The following NUP205 variants were observed in gnomAD, a reference collection of about 807,000 sequenced individuals.
The protein encoded by NUP205 is nucleoporin 205.
NUP205 carries 76 observed loss-of-function variants against 253.8 expected under a neutral mutation model. The observed-to-expected ratio is 0.30, with a 90% confidence interval of 0.25 to 0.36. The LOEUF (loss-of-function observed/expected upper bound fraction) is 0.36, where lower values mean the gene tolerates loss of function less well. Among genes scored for constraint, NUP205 ranks in the 10% least tolerant of loss-of-function variants. The pLI is 1.00. For synonymous variants in NUP205, 832 were observed against 850.1 expected (o/e 0.98, Z 0.37); for missense variants, 2,162 against 2,425.5 (o/e 0.89, Z 2.28).
Position 135,643,112 on chromosome 7 carries a change from C to G in NUP205, c.5393-80C>G, listed in dbSNP as rs1794944395. The G allele has an allele frequency of 1.0e-5, 14 of 1,367,574 alleles. No homozygotes were observed. The Admixed American group carries it at 2.8e-4, about 28-fold the overall frequency. 84.7% of individuals were successfully genotyped at this position (1,367,574 alleles called of 1,614,324 possible). A position where few individuals can be genotyped will look rare whatever the true frequency, so the allele number is the denominator to read the frequency against. The stretch of plus-strand genomic sequence containing the variant: ...CATGTCCTTAAATTCTGGGGCATCC[C>G]TTGTTTTAAAACAGGTCATTTGAAA... On this transcript the variant is annotated intron_variant, in intron 38 of 42. Transcript: ENST00000285968.
intron 35 of NUP205, among the ~76,000 whole-genome samples, chr7:135,631,603 A>G (rs1209631580): frequency 1.3e-5 from 2 of 152,192 alleles, no homozygotes; most frequent in East Asian, 3.8e-4. Flanking sequence ...CTGTTATGCA[A>G]CCATAATATC....
Position 135,626,267 on chromosome 7 carries a change from C to A in NUP205, c.4699C>A (p.Gln1567Lys). The change falls in exon 33 of 43, where the codon CAG becomes AAG. Residue 1567 changes from glutamine (Q) to lysine (K), a missense_variant. Physicochemically the swap from Gln to Lys is moderately conservative, Grantham distance 53. Transcript: ENST00000285968. ...ATTTCTCACAAGAGTGGCAAAGATA[C>A]AGCAGGGTGCATTAGAGCTGCTAAG... ...MAFLTRVAKI[Q>K]QGALELLRSG... 3 of 1,614,108 alleles carry A rather than the reference C, an allele frequency of 1.9e-6. No homozygotes were observed.
chr7:135,592,737 A>G (rs1364420882), intron 11 of NUP205, among the ~76,000 whole-genome samples: 1 of 152,136 alleles, frequency 6.6e-6, no homozygotes, highest in African/African-American at 2.4e-5. Flanking sequence ...AAAGACAAAA[A>G]TTAGCAAGGC....
At chr7:135,605,852 GA>G (rs1393957822) in intron 19 of NUP205, among the ~76,000 whole-genome samples, 4 of 143,264 alleles carry the variant, frequency 2.8e-5, no homozygotes, top group Non-Finnish European at 4.6e-5. Flanking sequence ...GCAATTTCGT[GA>G]TTTTTTTTTT....
At position 135,598,208 on chromosome 7, in the gene NUP205, G is replaced by A. The variant is rs757655545; in HGVS notation, c.2274+1G>A. 10 of 1,613,230 alleles carry A rather than the reference G, an allele frequency of 6.2e-6. No individual in the cohort carries two copies. Among genetic ancestry groups the A allele is most frequent in the Non-Finnish European group, 1.7e-6 (2 of 1,179,538 alleles). The stretch of plus-strand genomic sequence containing the variant: ...AGCTTACCGGAGAGCAGCTGAAAAG[G>A]TTATGTTCAGAGAAAAGCTTTTTTC... On this transcript the variant is annotated splice_donor_variant, in intron 15 of 42. Coordinates refer to ENST00000285968, the MANE Select transcript of NUP205 (RefSeq NM_015135.3). LOFTEE classifies it high-confidence loss of function.
At position 135,619,779 on chromosome 7, in the gene NUP205, A is replaced by C. The variant is rs116384712; in HGVS notation, c.4232-11A>C. On this transcript the variant is annotated splice_polypyrimidine_tract_variant and intron_variant, in intron 29 of 42. Coordinates refer to ENST00000285968, the MANE Select transcript of NUP205 (RefSeq NM_015135.3). Reference sequence around the variant, plus strand: ...AAAGATTTTCATTTGACATCTTCCTAATCTCCCTAGGTGGTGGATTCCAAC... The same window carrying C: ...AAAGATTTTCATTTGACATCTTCCTCATCTCCCTAGGTGGTGGATTCCAAC... The C allele has an allele frequency of 2.1e-3, 3,388 of 1,601,230 alleles. 56 individuals are homozygous for C. In the African/African-American group the frequency reaches 0.041, roughly 19 times the overall value.
At chr7:135,601,170 T>C (rs1409584528) in intron 16 of NUP205, among the ~76,000 whole-genome samples, 200 bp from the exon 17 acceptor site, 1 of 152,190 alleles carries the variant, frequency 6.6e-6, no homozygotes, top group Non-Finnish European at 1.5e-5. Flanking sequence ...ACAATTTCTC[T>C]AATGAGTTAA....
Position 135,617,154 on chromosome 7 carries a change from G to A in NUP205, c.3597G>A (p.Leu1199=), listed in dbSNP as rs1474731514. 1 of 1,613,818 alleles carries A rather than the reference G, an allele frequency of 6.2e-7. No individual in the cohort carries two copies. Among genetic ancestry groups the A allele is most frequent in the South Asian group, 1.1e-5 (1 of 91,072 alleles). ...TCAGTCAGGAGATCCCTGAGCCTTT[G>A]CAGTTGGATTTTTTTGATCGGGCCC... ...IDFSQEIPEP[L]QLDFFDRAQI... is the part of the protein sequence containing the mutation. The change falls in exon 26 of 43, where the codon TTG becomes TTA. Residue 1199 remains leucine, a synonymous_variant. Coordinates refer to ENST00000285968, the MANE Select transcript of NUP205 (RefSeq NM_015135.3).
intron 22 of NUP205, among the ~76,000 whole-genome samples, chr7:135,612,181 C>A (rs1010754957): frequency 3.3e-5 from 5 of 152,096 alleles, no homozygotes; most frequent in African/African-American, 4.8e-5. Context: ...AGTCAGTTCT[C>A]GTTATTCACA....
At chr7:135,593,676 G>A (rs1052689003) in intron 12 of NUP205, among the ~76,000 whole-genome samples, 1 of 152,068 alleles carries the variant, frequency 6.6e-6, no homozygotes, top group Non-Finnish European at 1.5e-5. Flanking sequence ...ATATCTTTTA[G>A]TTATGTCTGT....
At chr7:135,624,624 G>A (rs936146172) in intron 31 of NUP205, among the ~76,000 whole-genome samples, 3 of 151,866 alleles carry the variant, frequency 2.0e-5, no homozygotes, top group Non-Finnish European at 4.4e-5. Flanking sequence ...TGATCCACCC[G>A]CCTTGGCCTC....
rs147900817 is a variant in NUP205 at position 135,648,293 on chromosome 7, T to C, written c.5887-111T>C. 4.5e-4 allele frequency: 398 copies of C among 877,988 alleles called. 1 individual carries two copies. The African/African-American group carries it at 6.3e-3, about 14-fold the overall frequency. The allele number at this position is 877,988 out of a possible 1,614,324, so 54.4% of individuals were successfully genotyped here. ...TTACAAAAATTCAAAAGTATTTACA[T>C]TGAAAGAACCACATTACAAAAATTC... On this transcript the variant is annotated intron_variant, in intron 42 of 42. Transcript: ENST00000285968.
intron 7 of NUP205, among the ~76,000 whole-genome samples, chr7:135,581,632 G>A (rs145234712): frequency 0.034 from 5,168 of 151,952 alleles, 120 homozygotes; most frequent in Middle Eastern, 0.1. Flanking sequence ...CAGGTGGATC[G>A]CTTGAGGTCA....
intron 32 of NUP205, 114 bp from the exon 33 acceptor site, chr7:135,626,126 T>G (rs1794583916): frequency 3.9e-6 from 5 of 1,283,434 alleles, no homozygotes; most frequent in Non-Finnish European, 5.5e-6. Flanking sequence ...CTAGCCCAGA[T>G]TTCTCTTCAG....
intron 30 of NUP205, 72 bp from the exon 31 acceptor site, chr7:135,622,705 A>C: frequency 1.5e-6 from 2 of 1,357,188 alleles, no homozygotes; most frequent in Non-Finnish European, 1.0e-6. Context: ...CATACCTAGC[A>C]TGTGAGGTAT....
Position 135,644,994 on chromosome 7 carries a change from G to C in NUP205, c.5659G>C (p.Ala1887Pro). Residue 1887 changes from alanine to proline, a missense_variant, in exon 40 of 43, where the codon GCT becomes CCT. Coordinates refer to ENST00000285968, the MANE Select transcript of NUP205 (RefSeq NM_015135.3). ...RRLVKVINNRAKLLSLCSFII... is the reference protein window; with the variant it reads ...RRLVKVINNRPKLLSLCSFII... ...CTTGGTGAAGGTGATCAACAATCGA[G>C]CTAAACTGCTTTCCCTTTGTTCTTG... 6.2e-7 allele frequency: 1 copy of C among 1,614,132 alleles called. No individual in the cohort carries two copies. Among genetic ancestry groups the C allele is most frequent in the Non-Finnish European group, 8.5e-7 (1 of 1,180,012 alleles).
rs369359472 is a variant in NUP205, at chr7:135,579,162, A to G, written c.1042+247A>G. ...GACAATGCTCTTTTACCTTCAGGGT[A>G]TGAGTTTAAAATTTGGAATGACAGT... On this transcript the variant is annotated intron_variant, in intron 7 of 42. Coordinates refer to ENST00000285968, the MANE Select transcript of NUP205 (RefSeq NM_015135.3). Among the ~76,000 whole-genome samples the G allele has an allele frequency of 4.1e-4, 63 of 152,122 alleles. 1 individual carries two copies. The East Asian group carries it at 0.012, about 28-fold the overall frequency.
intron 1 of NUP205, among the ~76,000 whole-genome samples, chr7:135,563,071 T>C (rs958633642): frequency 1.3e-5 from 2 of 152,240 alleles, no homozygotes; most frequent in Non-Finnish European, 2.9e-5. Flanking sequence ...CACTTCCTCA[T>C]GGATAATTCT....
chr7:135,616,545 G>A (rs1246982665), intron 24 of NUP205, 110 bp from the exon 25 acceptor site: 10 of 550,786 alleles, frequency 1.8e-5, no homozygotes, highest in South Asian at 1.5e-4. Context: ...GCTCTTTGAT[G>A]TAGAAACAAT....
Sources: allele counts gnomAD v4.1 joint callset (sites outside exome capture counted in the v4.1 genomes callset), GRCh38; gene constraint gnomAD v4.1.1; transcripts MANE v1.5; gene names NCBI Gene and HGNC (gene_info 2026-07-23, HGNC 2026-07-21).